C15orf40: variants seen among roughly 807,000 people sequenced by gnomAD.
C15orf40 encodes UPF0235 protein C15orf40.
C15orf40 carries 9 observed loss-of-function variants against 13.9 expected under a neutral mutation model. The observed-to-expected ratio is 0.65, with a 90% CI of 0.39 to 1.13. The LOEUF is 1.13. Ranked by LOEUF, C15orf40 falls within the 50% of genes most tolerant of loss-of-function variation. The pLI is 0.01. For synonymous variants in C15orf40, 95 were observed against 69.2 expected, an observed-to-expected ratio of 1.37 and a Z score of -1.85; for missense variants, 225 against 188.5, an observed-to-expected ratio of 1.19 and a Z score of -1.13.
rs1162556784 is a variant in C15orf40, at chr15:82,996,288, G to C, written c.*9309C>G. ...AAGCTGTTCTAATTGCTAATGGCTA[G>C]AGCTTTGTTGTTTGTGTGTGTATTT... On this transcript the variant is annotated 3_prime_UTR_variant, in exon 4 of 4. Transcript: ENST00000304177. 3.9e-5 allele frequency: 6 copies of C among 152,148 alleles called. No individual in the cohort carries two copies. Among genetic ancestry groups the C allele is most frequent in the Admixed American group, 2.6e-4 (4 of 15,266 alleles). The allele number at this position is 152,148 out of a possible 1,614,324, so 9.4% of individuals were successfully genotyped here. A position where few individuals can be genotyped will look rare whatever the true frequency, so the allele number is the denominator to read the frequency against.
rs2031579143 is a variant in C15orf40, at chr15:83,004,689, T to C, written c.*908A>G. 1.1e-6 allele frequency: 1 copy of C among 924,018 alleles called. No homozygotes were observed. The highest frequency in any genetic ancestry group is 1.8e-5 in the African/African-American group (1 of 55,600). 57.2% of individuals were successfully genotyped at this position (924,018 alleles called of 1,614,324 possible). A position where few individuals can be genotyped will look rare whatever the true frequency, so the allele number is the denominator to read the frequency against. On this transcript the variant is annotated 3_prime_UTR_variant, in exon 4 of 4. Coordinates refer to ENST00000304177, the MANE Select transcript of C15orf40 (RefSeq NM_144597.3). Reference sequence around the variant, plus strand: ...ATTACAAGTCATGATTTTTCTTTACTTTTTCAACAAAATGGTAAATATAGT... The same window carrying C: ...ATTACAAGTCATGATTTTTCTTTACCTTTTCAACAAAATGGTAAATATAGT...
In C15orf40 at chr15:82,998,953, G is replaced by C. The variant is rs895892193; in HGVS notation, c.*6644C>G. ...GGAGGCCGAGGTTGGCGGATCACTC[G>C]TGGTTAGGGGCTGGAGACCGGCCCG... On this transcript the variant is annotated 3_prime_UTR_variant, in exon 4 of 4. Coordinates refer to ENST00000304177, the MANE Select transcript of C15orf40 (RefSeq NM_144597.3). The C allele has an allele frequency of 2.6e-5, 4 of 153,092 alleles. No homozygotes were observed. Among genetic ancestry groups the C allele is most frequent in the Non-Finnish European group, 5.7e-5 (4 of 69,696 alleles). 9.5% of individuals were successfully genotyped at this position (153,092 alleles called of 1,614,324 possible).
chr15:82,996,562 G>A lies in C15orf40; in HGVS notation c.*9035C>T, dbSNP rs1160346304. 2.0e-5 allele frequency: 3 copies of A among 152,086 alleles called. No homozygotes were observed. Among genetic ancestry groups the A allele is most frequent in the East Asian group, 1.9e-4 (1 of 5,184 alleles). The allele number at this position is 152,086 out of a possible 1,614,324, so 9.4% of individuals were successfully genotyped here. A position where few individuals can be genotyped will look rare whatever the true frequency, so the allele number is the denominator to read the frequency against. On this transcript the variant is annotated 3_prime_UTR_variant, in exon 4 of 4. Coordinates refer to ENST00000304177, the MANE Select transcript of C15orf40 (RefSeq NM_144597.3). ...GGAGGCTGAGGCAGGAGAATGGCGTGAACCCAGGACGCAGAACTTGCAGTA... is the reference window on the plus strand; with the variant it reads ...GGAGGCTGAGGCAGGAGAATGGCGTAAACCCAGGACGCAGAACTTGCAGTA...
At chr15:83,010,470 T>C in intron 1 of C15orf40, 107 bp from the exon 2 acceptor site, 1 of 1,356,566 alleles carries the variant, frequency 7.4e-7, no homozygotes, top group African/African-American at 1.4e-5. Context: ...ACTAGGCTCA[T>C]CAGTGGTGTC....
rs2031379503 is a variant in C15orf40 at position 83,000,665 on chromosome 15, A to C, written c.*4932T>G. Reference sequence around the variant, plus strand: ...TTTTAGTCACTAGTTACATGCATTAAAACAATTTGAATTTGGGGCCATGTG... The same window carrying C: ...TTTTAGTCACTAGTTACATGCATTACAACAATTTGAATTTGGGGCCATGTG... On this transcript the variant is annotated 3_prime_UTR_variant, in exon 4 of 4. Coordinates refer to ENST00000304177, the MANE Select transcript of C15orf40 (RefSeq NM_144597.3). 1 of 152,222 alleles carries C rather than the reference A, an allele frequency of 6.6e-6. No homozygotes were observed. 9.4% of individuals were successfully genotyped at this position (152,222 alleles called of 1,614,324 possible).
downstream of C15orf40, chr15:82,991,925 A>C (rs1057016785): frequency 7.8e-7 from 1 of 1,288,788 alleles, no homozygotes; most frequent in African/African-American, 1.5e-5. Context: ...GTTATCAAAA[A>C]TATCACCTGG....
chr15:82,999,076 G>C lies in C15orf40; in HGVS notation c.*6521C>G. 8.1e-6 allele frequency: 1 copy of C among 123,678 alleles called. No homozygotes were observed. Among genetic ancestry groups the C allele is most frequent in the Non-Finnish European group, 1.7e-5 (1 of 60,424 alleles). 7.7% of individuals were successfully genotyped at this position (123,678 alleles called of 1,614,324 possible). On this transcript the variant is annotated 3_prime_UTR_variant, in exon 4 of 4. Coordinates refer to ENST00000304177, the MANE Select transcript of C15orf40 (RefSeq NM_144597.3). Reference sequence around the variant, plus strand: ...TGGGCAGGCTGAGGCAGGAGAATCAGGCAGGGAGGTTGCAGTGAGCCGAGA... The same window carrying C: ...TGGGCAGGCTGAGGCAGGAGAATCACGCAGGGAGGTTGCAGTGAGCCGAGA...
rs1004921482 is a variant in C15orf40, at chr15:83,005,094, CTGTTTGGGG to C, written c.*494_*502del. ...TGAAATCAGAGTAACATGTTCCAGG[CTGTTTGGGG>C]TTTGGGATTTTAGAACCTGATGCAA... is the stretch of plus-strand genomic sequence containing the variant. On this transcript the variant is annotated 3_prime_UTR_variant, in exon 4 of 4. Coordinates refer to ENST00000304177, the MANE Select transcript of C15orf40 (RefSeq NM_144597.3). 8.7e-7 allele frequency: 1 copy of C among 1,146,252 alleles called. No homozygotes were observed. The highest frequency in any genetic ancestry group is 1.6e-5 in the African/African-American group (1 of 61,450). 71.0% of individuals were successfully genotyped at this position (1,146,252 alleles called of 1,614,324 possible).
downstream of C15orf40, chr15:82,991,976 G>GATA: frequency 8.3e-7 from 1 of 1,207,962 alleles, no homozygotes; most frequent in Non-Finnish European, 1.1e-6. Context: ...AGCACTCTGG[G>GATA]AGGCCGAGGC....
chr15:82,993,296 C>T (rs961777779), downstream of C15orf40, among the ~76,000 whole-genome samples: 2 of 152,020 alleles, frequency 1.3e-5, no homozygotes, highest in African/African-American at 2.4e-5. Context: ...GTTGAATCAA[C>T]GGGAGGGAAG....
At chr15:83,006,174 T>C (rs1311665263) in intron 3 of C15orf40, among the ~76,000 whole-genome samples, 1 of 150,476 alleles carries the variant, frequency 6.6e-6, no homozygotes, top group Non-Finnish European at 1.5e-5. Flanking sequence ...GAGGCTGCAG[T>C]GAGCTGAGAT....
At chr15:83,010,439 C>G (rs556223239) in intron 1 of C15orf40, 76 bp from the exon 2 acceptor site, 7 of 1,549,992 alleles carry the variant, frequency 4.5e-6, no homozygotes, top group Admixed American at 3.4e-5. Flanking sequence ...TCCACTACCC[C>G]CTTTCACCCT....
At chr15:83,006,476 T>A (rs967204514) in intron 3 of C15orf40, 1 of 985,348 alleles carries the variant, frequency 1.0e-6, no homozygotes, top group Non-Finnish European at 1.2e-6. Context: ...AAAGGATTTG[T>A]TGGCCAGGTG....
rs539164483 is a variant in C15orf40, at chr15:83,005,162, G to A, written c.*435C>T. The A allele has an allele frequency of 9.5e-7, 1 of 1,054,478 alleles. No homozygotes were observed. The highest frequency in any genetic ancestry group is 3.1e-5 in the South Asian group (1 of 32,660). The allele number at this position is 1,054,478 out of a possible 1,614,324, so 65.3% of individuals were successfully genotyped here. ...ACTTTTTAAATTTCTACTTTTTGGA[G>A]TCTTATTCGAATATATACATATATA... On this transcript the variant is annotated 3_prime_UTR_variant, in exon 4 of 4. Coordinates refer to ENST00000304177, the MANE Select transcript of C15orf40 (RefSeq NM_144597.3).
downstream of C15orf40, chr15:82,990,075 G>C (rs938952496): frequency 7.7e-7 from 1 of 1,304,772 alleles, no homozygotes; most frequent in African/African-American, 1.7e-5. Flanking sequence ...TGATAGAAAT[G>C]TTGGCAGCTT....
intron 3 of C15orf40, among the ~76,000 whole-genome samples, chr15:83,007,594 G>C (rs2031757186): frequency 6.6e-6 from 1 of 152,236 alleles, no homozygotes; most frequent in East Asian, 1.9e-4. Flanking sequence ...TCATTAATAT[G>C]TAATAATCAA....
In C15orf40 at chr15:83,010,272, T is replaced by G; in HGVS notation, c.203A>C (p.His68Pro). The change falls in exon 2 of 4, where the codon CAT becomes CCT. Residue 68 changes from histidine to proline, a missense_variant. Transcript: ENST00000304177. The part of the protein sequence containing the change: ...DPKGCVTIAI[H>P]AKPGSKQNAV... ...ATTTTGTTTGGAGCCAGGTTTTGCA[T>G]GGATGGCTATGGTGACGCATCCTTT... 1 of 1,614,240 alleles carries G rather than the reference T, an allele frequency of 6.2e-7. No individual in the cohort carries two copies. The highest frequency in any genetic ancestry group is 8.5e-7 in the Non-Finnish European group (1 of 1,180,032).
chr15:83,010,317 C>T lies in C15orf40; in HGVS notation c.158G>A (p.Gly53Asp). Residue 53 changes from glycine (G) to aspartate (D), a missense_variant, in exon 2 of 4, where the codon GGT (glycine) becomes GAT (aspartate). Gly to Asp is a moderately conservative substitution (Grantham distance 94). Coordinates refer to ENST00000304177, the MANE Select transcript of C15orf40 (RefSeq NM_144597.3). Reference sequence around the variant, plus strand: ...TCCTTTAGGATCAACTGCCACAGGACCTAAGGGAGGAAGTGGTCTCTCTGG... The same window carrying T: ...TCCTTTAGGATCAACTGCCACAGGATCTAAGGGAGGAAGTGGTCTCTCTGG... The part of the protein sequence containing the change: ...KEPERPLPPL[G>D]PVAVDPKGCV... 3 of 1,614,232 alleles carry T rather than the reference C, an allele frequency of 1.9e-6. No homozygotes were observed. Among genetic ancestry groups the T allele is most frequent in the South Asian group, 1.1e-5 (1 of 91,084 alleles).
chr15:82,990,543 C>CTTTTT, downstream of C15orf40: 5 of 687,296 alleles, frequency 7.3e-6, no homozygotes, highest in South Asian at 4.5e-5. Flanking sequence ...AAAACAATTG[C>CTTTTT]TTTTTTTTTT....
Sources: allele counts gnomAD v4.1 joint callset (sites outside exome capture counted in the v4.1 genomes callset), GRCh38; gene constraint gnomAD v4.1.1; transcripts MANE v1.5; gene names NCBI Gene and HGNC (gene_info 2026-07-23, HGNC 2026-07-21).